TTLL7: variants seen among roughly 807,000 people sequenced by gnomAD.
TTLL7 encodes the protein tubulin tyrosine ligase like 7.
Under a neutral mutation model 120.2 loss-of-function variants are expected in TTLL7, and 53 were observed. That is an observed-to-expected ratio of 0.44 (90% confidence interval 0.35 to 0.55). TTLL7 has a LOEUF of 0.55. Among genes scored for constraint, TTLL7 ranks in the 20% least tolerant of loss-of-function variants. TTLL7 has a pLI of 0.00. For synonymous variants in TTLL7, 353 were observed against 351.7 expected (o/e 1.00, Z -0.04); for missense variants, 803 against 1,054.7 (o/e 0.76, Z 3.31).
intron 17 of TTLL7, among the ~76,000 whole-genome samples, chr1:83,905,117 T>C (rs1182958732): frequency 6.6e-6 from 1 of 151,916 alleles, no homozygotes; most frequent in Non-Finnish European, 1.5e-5. Context: ...TACAAAGTCA[T>C]TGGCTATATA....
At chr1:83,901,848 G>A (rs764175875) in intron 18 of TTLL7, among the ~76,000 whole-genome samples, 22 of 151,836 alleles carry the variant, frequency 1.4e-4, no homozygotes, top group Non-Finnish European at 2.2e-4. Context: ...TCCTAGAAAG[G>A]GCAAGTGATA....
chr1:83,951,511 C>A (rs751738364), intron 3 of TTLL7, among the ~76,000 whole-genome samples: 28 of 152,062 alleles, frequency 1.8e-4, no homozygotes, highest in Non-Finnish European at 2.4e-4. Flanking sequence ...CACATATAAA[C>A]CTATCTTATT....
chr1:83,944,033 A>G (rs1648236419), intron 6 of TTLL7, among the ~76,000 whole-genome samples: 1 of 152,172 alleles, frequency 6.6e-6, no homozygotes, highest in Non-Finnish European at 1.5e-5. Context: ...ACTAAAGGAT[A>G]TAAACAGTAT....
At chr1:83,911,434 T>C in intron 14 of TTLL7, 71 bp from the exon 15 acceptor site, 1 of 1,252,782 alleles carries the variant, frequency 8.0e-7, no homozygotes, top group Non-Finnish European at 1.1e-6. Flanking sequence ...TTAGTTACTA[T>C]TTTTAATTTC....
At chr1:83,968,990 A>G (rs1488484609) in intron 1 of TTLL7, among the ~76,000 whole-genome samples, 1 of 152,030 alleles carries the variant, frequency 6.6e-6, no homozygotes, top group Non-Finnish European at 1.5e-5. Context: ...TAGGTACTCC[A>G]TAAGTATTTC....
rs767425696 is a variant in TTLL7 at position 83,949,994 on chromosome 1, T to G, written c.158-8A>C. 1 of 1,606,170 alleles carries G rather than the reference T, an allele frequency of 6.2e-7. No individual in the cohort carries two copies. The highest frequency in any genetic ancestry group is 8.5e-7 in the Non-Finnish European group (1 of 1,177,088). On this transcript the variant is annotated splice_region_variant and splice_polypyrimidine_tract_variant and intron_variant, in intron 3 of 20. Transcript: ENST00000260505. ...CATCTATTACTAAACGAACTGCAAGTAAACAGTTAAGTTAAACCAAAATTA... is the reference window on the plus strand; with the variant it reads ...CATCTATTACTAAACGAACTGCAAGGAAACAGTTAAGTTAAACCAAAATTA...
At chr1:83,987,697 T>C (rs184216043) in intron 1 of TTLL7, among the ~76,000 whole-genome samples, 1 of 152,112 alleles carries the variant, frequency 6.6e-6, no homozygotes, top group African/African-American at 2.4e-5. Flanking sequence ...AACAAATGGG[T>C]CTAAATCAAC....
At position 83,972,099 on chromosome 1, in the gene TTLL7, C is replaced by A. The variant is rs538778624; in HGVS notation, c.-176-19712G>T. Among the ~76,000 whole-genome samples, 17 of 152,112 alleles carry A rather than the reference C, an allele frequency of 1.1e-4. No homozygotes were observed. In the East Asian group the frequency reaches 3.3e-3, roughly 30 times the overall value. On this transcript the variant is annotated intron_variant, in intron 1 of 20. Transcript: ENST00000260505. The stretch of plus-strand genomic sequence containing the variant: ...TGATACATTTTTAACAACTGACAAA[C>A]CTACATTGATATATCATAATTACTG...
Position 83,951,864 on chromosome 1 carries a change from G to C in TTLL7, c.138C>G (p.Ala46=). The C allele has an allele frequency of 1.9e-6, 3 of 1,608,052 alleles. No individual in the cohort carries two copies. Among genetic ancestry groups the C allele is most frequent in the Non-Finnish European group, 2.5e-6 (3 of 1,178,076 alleles). ...ACCTACCAATTTCAAACTTTGTCCCGGCAACATTTGCTGTAATGGTTCCCT... is the reference window on the plus strand; with the variant it reads ...ACCTACCAATTTCAAACTTTGTCCCCGCAACATTTGCTGTAATGGTTCCCT... The part of the protein sequence containing the change: ...KKKGTITANV[A]GTKFEIVRLV... The change falls in exon 3 of 21, where the codon GCC becomes GCG. Residue 46 remains alanine (A), a synonymous_variant. Transcript: ENST00000260505.
chr1:83,897,636 G>A (rs535225571), intron 18 of TTLL7, among the ~76,000 whole-genome samples: 4 of 152,070 alleles, frequency 2.6e-5, no homozygotes, highest in Admixed American at 1.3e-4. Context: ...GCTGGGATAC[G>A]AGTGAAGAGC....
chr1:83,888,045 T>C (rs943065920), intron 19 of TTLL7, among the ~76,000 whole-genome samples: 2 of 151,968 alleles, frequency 1.3e-5, no homozygotes, highest in African/African-American at 4.8e-5. Flanking sequence ...AGTTAAAGTA[T>C]GTTAGCAAAA....
chr1:83,966,942 A>T (rs1338713974), intron 1 of TTLL7, among the ~76,000 whole-genome samples: 1 of 152,082 alleles, frequency 6.6e-6, no homozygotes, highest in Non-Finnish European at 1.5e-5. Flanking sequence ...AAACATAGAC[A>T]ATGAGGGCTG....
chr1:83,977,174 G>A (rs1651565884), intron 1 of TTLL7, among the ~76,000 whole-genome samples: 1 of 151,868 alleles, frequency 6.6e-6, no homozygotes, highest in African/African-American at 2.4e-5. Flanking sequence ...ATCATCGACT[G>A]CATCTAGTAA....
intron 20 of TTLL7, among the ~76,000 whole-genome samples, chr1:83,882,290 AT>A (rs1654581213): frequency 6.8e-6 from 1 of 146,082 alleles, no homozygotes; most frequent in South Asian, 2.1e-4. Context: ...CAATAAAAAT[AT>A]AATTACCTGT....
In TTLL7 at chr1:83,868,960, ATTTAT is replaced by A. The variant is rs931051503; in HGVS notation, c.*997_*1001del. The A allele has an allele frequency of 4.0e-5, 6 of 148,208 alleles. No homozygotes were observed. The highest frequency in any genetic ancestry group is 9.9e-5 in the African/African-American group (4 of 40,524). The allele number at this position is 148,208 out of a possible 1,614,324, so 9.2% of individuals were successfully genotyped here. On this transcript the variant is annotated 3_prime_UTR_variant, in exon 21 of 21. Transcript: ENST00000260505. ...ATTTTTATCTTCTTTTTATTTATTTATTTATTTTATTTTATTATTATTTTTTTTTT... is the reference window on the plus strand; with the variant it reads ...ATTTTTATCTTCTTTTTATTTATTTATTTATTTTATTATTATTTTTTTTTT...
intron 18 of TTLL7, among the ~76,000 whole-genome samples, chr1:83,895,554 T>C (rs987611454): frequency 2.0e-5 from 3 of 152,092 alleles, no homozygotes; most frequent in Non-Finnish European, 4.4e-5. Context: ...AATCAATACA[T>C]AACTTCTTGT....
intron 1 of TTLL7, among the ~76,000 whole-genome samples, chr1:83,974,356 A>G (rs961578881): frequency 1.3e-5 from 2 of 152,048 alleles, no homozygotes; most frequent in Non-Finnish European, 2.9e-5. Context: ...TTAAGTGCAA[A>G]GTAAATGAAT....
At position 83,892,952 on chromosome 1, in the gene TTLL7, A is replaced by AAGAAAG. The variant is rs143741135; in HGVS notation, c.2209-2472_2209-2471insCTTTCT. 9.8e-3 allele frequency among the ~76,000 whole-genome samples: 1,271 copies of AAGAAAG among 129,040 alleles called. 39 individuals carry two copies. The highest frequency in any genetic ancestry group is 0.024 in the African/African-American group (724 of 29,858). The allele number at this position is 129,040 out of a possible 152,430, so 84.7% of individuals were successfully genotyped here. The stretch of plus-strand genomic sequence containing the variant: ...AGAGAAAGAAAGAAAGAAAGAAAGA[A>AAGAAAG]AAGAATAAAAGAAAGAAAGAGAAAA... On this transcript the variant is annotated intron_variant, in intron 18 of 20. Transcript: ENST00000260505.
chr1:83,898,529 AGTAACTCT>A (rs555473135), intron 18 of TTLL7, among the ~76,000 whole-genome samples: 195 of 152,008 alleles, frequency 1.3e-3, no homozygotes, highest in Non-Finnish European at 2.0e-3. Context: ...AAAGAGGTCT[AGTAACTCT>A]TTCTATTACA....
Sources: gnomAD v4.1 joint callset for allele counts (sites outside exome capture counted in the v4.1 genomes callset) on GRCh38, gnomAD v4.1.1 for gene constraint, MANE v1.5 for transcripts, NCBI Gene and HGNC (gene_info 2026-07-23, HGNC 2026-07-21) for gene names.